Variants in RPS6KC1 observed in about 807,000 individuals in gnomAD.
RPS6KC1 encodes inactive ribosomal protein S6 kinase delta-1.
A neutral mutation model predicts 103.8 loss-of-function variants in RPS6KC1; 54 were observed. That is an observed-to-expected ratio of 0.52 (90% CI 0.42 to 0.65). The LOEUF is 0.65. Among genes scored for constraint, RPS6KC1 ranks in the 30% least tolerant of loss-of-function variants. The pLI is 0.00. For missense variants in RPS6KC1, 1,151 were observed against 1,253.8 expected (o/e 0.92, Z 1.24); for synonymous variants, 439 against 438.7 (o/e 1.00, Z -0.01).
intron 7 of RPS6KC1, among the ~76,000 whole-genome samples, chr1:213,169,669 T>C (rs1439472191): frequency 6.6e-6 from 1 of 152,114 alleles, no homozygotes; most frequent in Non-Finnish European, 1.5e-5. Context: ...CTCAATTTCA[T>C]TTTGGGGGGG....
At chr1:213,374,653 G>A in the RPS6KC1 span, among the ~76,000 whole-genome samples, 1 of 152,216 alleles carries the variant, frequency 6.6e-6, no homozygotes, top group Admixed American at 6.5e-5. Flanking sequence ...GAAAAGAGAC[G>A]TGATCACACC....
intron 10 of RPS6KC1, among the ~76,000 whole-genome samples, chr1:213,235,506 T>C (rs534732070): frequency 6.6e-6 from 1 of 152,218 alleles, no homozygotes; most frequent in East Asian, 1.9e-4. Context: ...GGTCATCTTA[T>C]TGAGAAGGGA....
chr1:213,829,572 G>A, the RPS6KC1 span, among the ~76,000 whole-genome samples: 5 of 152,176 alleles, frequency 3.3e-5, no homozygotes, highest in Non-Finnish European at 5.9e-5. Context: ...ATTCTAGCAT[G>A]AGAGGTCAGA....
chr1:213,158,986 A>T (rs1239791372), intron 6 of RPS6KC1, among the ~76,000 whole-genome samples: 2 of 152,198 alleles, frequency 1.3e-5, no homozygotes, highest in Non-Finnish European at 2.9e-5. Flanking sequence ...AATAATGGTT[A>T]TGATGATCTC....
At chr1:213,699,776 T>G in the RPS6KC1 span, among the ~76,000 whole-genome samples, 1 of 152,158 alleles carries the variant, frequency 6.6e-6, no homozygotes, top group South Asian at 2.1e-4. Context: ...GTAGTTTTAT[T>G]TTTAATTTTT....
Position 213,241,899 on chromosome 1 carries a change from C to G in RPS6KC1, c.2423C>G (p.Ala808Gly). ...KFQGLGVVES[A>G]VTANNTEESL... ...CAAGGACTTGGAGTGGTTGAGTCAG[C>G]AGTAACTGCAAACAACACAGAAGAA... The change falls in exon 11 of 15, where the codon GCA becomes GGA. Residue 808 changes from alanine to glycine, a missense_variant. By Grantham distance (60) the Ala-to-Gly change is moderately conservative (BLOSUM62 0). This residue lies in a region of RPS6KC1 where 959 missense variants were observed against 1,006.3 expected (regional missense o/e 0.95). Coordinates refer to ENST00000366960, the MANE Select transcript of RPS6KC1 (RefSeq NM_012424.6). 1 of 1,613,964 alleles carries G rather than the reference C, an allele frequency of 6.2e-7. No homozygotes were observed. Among genetic ancestry groups the G allele is most frequent in the Non-Finnish European group, 8.5e-7 (1 of 1,179,948 alleles).
chr1:213,312,057 C>T, the RPS6KC1 span, among the ~76,000 whole-genome samples: 17 of 152,134 alleles, frequency 1.1e-4, no homozygotes, highest in Admixed American at 2.6e-4. Context: ...GCCACCATGC[C>T]GGACTAATTT....
chr1:213,063,731 A>G (rs552822289), intron 1 of RPS6KC1, among the ~76,000 whole-genome samples: 1 of 152,332 alleles, frequency 6.6e-6, no homozygotes, highest in African/African-American at 2.4e-5. Flanking sequence ...TTTACTAGGC[A>G]TATTAATGTA....
chr1:213,494,666 C>T, the RPS6KC1 span, among the ~76,000 whole-genome samples: 1 of 151,942 alleles, frequency 6.6e-6, no homozygotes, highest in East Asian at 1.9e-4. Context: ...AAGTGGATAA[C>T]AGGATAACAG....
the RPS6KC1 span, among the ~76,000 whole-genome samples, chr1:213,634,146 C>A: frequency 6.6e-6 from 1 of 152,062 alleles, no homozygotes; most frequent in Non-Finnish European, 1.5e-5. Context: ...TTTAACACCC[C>A]ACTGTCAATA....
At chr1:213,360,251 C>T in the RPS6KC1 span, among the ~76,000 whole-genome samples, 2 of 152,262 alleles carry the variant, frequency 1.3e-5, no homozygotes, top group East Asian at 3.9e-4. Context: ...AGGCTTTGTT[C>T]GTTTCTTTTT....
the RPS6KC1 span, among the ~76,000 whole-genome samples, chr1:213,601,037 G>A: frequency 2.0e-5 from 3 of 152,294 alleles, no homozygotes; most frequent in East Asian, 1.9e-4. Flanking sequence ...AAGTTACTAG[G>A]CAAGAACAAA....
At chr1:213,170,949 T>C (rs2091428691) in intron 7 of RPS6KC1, among the ~76,000 whole-genome samples, 1 of 152,218 alleles carries the variant, frequency 6.6e-6, no homozygotes. Context: ...ATATTATTTC[T>C]CTCTGGAATC....
At chr1:213,084,714 G>A (rs1182455864) in intron 3 of RPS6KC1, among the ~76,000 whole-genome samples, 4 of 152,058 alleles carry the variant, frequency 2.6e-5, no homozygotes, top group South Asian at 2.1e-4. Flanking sequence ...TAATATAGCC[G>A]TTTTTTGTTT....
At chr1:213,357,064 A>C in the RPS6KC1 span, among the ~76,000 whole-genome samples, 1 of 151,882 alleles carries the variant, frequency 6.6e-6, no homozygotes, top group South Asian at 2.1e-4. Flanking sequence ...AGTAGTGATC[A>C]CCTCCCTCCA....
the RPS6KC1 span, among the ~76,000 whole-genome samples, chr1:213,342,969 G>A: frequency 2.0e-5 from 3 of 152,034 alleles, no homozygotes; most frequent in Non-Finnish European, 2.9e-5. Flanking sequence ...GCAACATAGC[G>A]AAACGCTGTC....
chr1:213,692,888 ATCACCTGACAT>A, the RPS6KC1 span, among the ~76,000 whole-genome samples: 3 of 152,062 alleles, frequency 2.0e-5, no homozygotes, highest in Non-Finnish European at 4.4e-5. Context: ...CTGCCTGACC[ATCACCTGACAT>A]TCACCTGACA....
chr1:213,379,241 C>T, the RPS6KC1 span, among the ~76,000 whole-genome samples: 4 of 152,202 alleles, frequency 2.6e-5, no homozygotes, highest in African/African-American at 9.6e-5. Flanking sequence ...GTCCTAATCC[C>T]CGGTACCTTT....
chr1:213,679,382 C>A, the RPS6KC1 span, among the ~76,000 whole-genome samples: 33 of 152,298 alleles, frequency 2.2e-4, no homozygotes, highest in East Asian at 5.8e-3. Flanking sequence ...AGTCAGGCTG[C>A]GTGCTAAGTG....
Sources: gnomAD v4.1 joint callset for allele counts (sites outside exome capture counted in the v4.1 genomes callset) on GRCh38, gnomAD v4.1.1 for gene constraint, gnomAD v4.1.1 regional missense constraint, MANE v1.5 for transcripts, NCBI Gene and HGNC (gene_info 2026-07-23, HGNC 2026-07-21) for gene names.